The following LTBP1 variants were observed in gnomAD, a reference collection of about 807,000 sequenced individuals.
The protein encoded by LTBP1 is latent transforming growth factor beta binding protein 1, also known as latent-transforming growth factor beta-binding protein 1.
In LTBP1, 129 loss-of-function variants were observed where a neutral mutation model predicts 207.6. That is an observed-to-expected ratio of 0.62 (90% CI 0.54 to 0.72). LTBP1 has a LOEUF of 0.72. Among genes scored for constraint, LTBP1 ranks in the 30% least tolerant of loss-of-function variants. The pLI is 0.00. For missense variants in LTBP1, 2,281 were observed against 2,217.2 expected (o/e 1.03, Z -0.58); for synonymous variants, 963 against 833.7 (o/e 1.16, Z -2.67).
rs781355285 is a variant in LTBP1, at chr2:33,363,386, G to A, written c.4271-4G>A. 298 of 1,612,660 alleles carry A rather than the reference G, an allele frequency of 1.8e-4. 5 individuals carry two copies. The East Asian group carries it at 5.8e-3, about 31-fold the overall frequency. On this transcript the variant is annotated splice_polypyrimidine_tract_variant and splice_region_variant and intron_variant, in intron 28 of 33. Transcript: ENST00000404816. ...TTTGTATTTCTCAATTTTTTTCCCC[G>A]TAGATGCAGATGAATGCCTACTTTT...
At chr2:32,979,150 A>G (rs1458423925) in intron 2 of LTBP1, among the ~76,000 whole-genome samples, 1 of 149,994 alleles carries the variant, frequency 6.7e-6, no homozygotes, top group South Asian at 2.1e-4. Context: ...CCAACTTTTC[A>G]TTTCATTGAT....
At chr2:33,004,786 A>ATATATATATATAT (rs1239899581) in intron 2 of LTBP1, among the ~76,000 whole-genome samples, 1 of 101,106 alleles carries the variant, frequency 9.9e-6, no homozygotes, top group Admixed American at 1.3e-4. Flanking sequence ...AAAAAAAAGG[A>ATATATATATATAT]ATATATATAT....
chr2:33,363,321 G>A, intron 28 of LTBP1, 69 bp from the exon 29 acceptor site: 1 of 1,531,588 alleles, frequency 6.5e-7, no homozygotes, highest in South Asian at 1.2e-5. Flanking sequence ...CCCAAATCTG[G>A]TTAGACTCTT....
At chr2:33,146,695 A>AGG (rs1204334317) in intron 5 of LTBP1, among the ~76,000 whole-genome samples, 1 of 152,188 alleles carries the variant, frequency 6.6e-6, no homozygotes, top group African/African-American at 2.4e-5. Context: ...TGGAAGGCAA[A>AGG]GGGGAAGCAG....
At chr2:33,325,142 G>A (rs565457203) in intron 24 of LTBP1, among the ~76,000 whole-genome samples, 1 of 152,192 alleles carries the variant, frequency 6.6e-6, no homozygotes, top group South Asian at 2.1e-4. Context: ...CACCCACAAA[G>A]TAGTTCCAGC....
At chr2:33,038,033 A>G (rs1573234027) in intron 3 of LTBP1, among the ~76,000 whole-genome samples, 2 of 152,196 alleles carry the variant, frequency 1.3e-5, no homozygotes, top group East Asian at 3.8e-4. Flanking sequence ...ATCCTGTTTT[A>G]AGGAGGATTC....
In LTBP1 at chr2:33,005,806, C is replaced by T. The variant is rs544301954; in HGVS notation, c.566-15103C>T. ...TTCACCATGTTGGGTAGGCTGCTCT[C>T]GAACTCCCGACCTCAGGTGATCTGC... On this transcript the variant is annotated intron_variant, in intron 2 of 33. Transcript: ENST00000404816. 7.9e-5 allele frequency among the ~76,000 whole-genome samples: 12 copies of T among 152,174 alleles called. No individual in the cohort carries two copies. In the East Asian group the frequency reaches 1.2e-3, roughly 15 times the overall value.
At chr2:33,227,587 G>T (rs2091512884) in intron 9 of LTBP1, among the ~76,000 whole-genome samples, 1 of 151,976 alleles carries the variant, frequency 6.6e-6, no homozygotes, top group Non-Finnish European at 1.5e-5. Flanking sequence ...CAGTCTCCCA[G>T]ACAGTAGTAG....
chr2:33,390,743 C>T (rs1231481279), intron 32 of LTBP1, among the ~76,000 whole-genome samples: 3 of 152,014 alleles, frequency 2.0e-5, no homozygotes, highest in African/African-American at 4.8e-5. Flanking sequence ...TCATCCGCCT[C>T]GGCCTCCCAA....
chr2:33,162,060 A>G (rs2084516805), intron 5 of LTBP1, among the ~76,000 whole-genome samples: 2 of 152,228 alleles, frequency 1.3e-5, no homozygotes, highest in African/African-American at 4.8e-5. Context: ...GAATAGAGTG[A>G]CAGCCATAGA....
At chr2:33,263,490 A>G (rs1442983721) in intron 15 of LTBP1, 98 bp downstream of exon 15, 1 of 787,556 alleles carries the variant, frequency 1.3e-6, no homozygotes, top group Non-Finnish European at 2.1e-6. Flanking sequence ...TGCTCATGGC[A>G]GGGTTAGCCA....
chr2:33,280,628 G>T (rs1390112159), intron 19 of LTBP1, among the ~76,000 whole-genome samples: 5 of 152,162 alleles, frequency 3.3e-5, no homozygotes, highest in Non-Finnish European at 7.3e-5. Flanking sequence ...AGTTAGCTCT[G>T]CCCCTTAATG....
intron 5 of LTBP1, among the ~76,000 whole-genome samples, chr2:33,172,367 A>G (rs377553118): frequency 1.3e-5 from 2 of 152,174 alleles, no homozygotes; most frequent in African/African-American, 4.8e-5. Context: ...GTCTCTGATA[A>G]AACAGACTTT....
At chr2:33,231,032 A>G (rs755804625) in intron 9 of LTBP1, among the ~76,000 whole-genome samples, 3 of 152,226 alleles carry the variant, frequency 2.0e-5, no homozygotes, top group Non-Finnish European at 4.4e-5. Flanking sequence ...GTATTCCACA[A>G]ACATTAATCG....
At position 33,385,817 on chromosome 2, in the gene LTBP1, C is replaced by T. The variant is rs535029483; in HGVS notation, c.4712-3367C>T. Among the ~76,000 whole-genome samples, 11 of 152,198 alleles carry T rather than the reference C, an allele frequency of 7.2e-5. No individual in the cohort carries two copies. The South Asian group carries it at 1.0e-3, about 14-fold the overall frequency. On this transcript the variant is annotated intron_variant, in intron 31 of 33. Transcript: ENST00000404816. ...TTCAAAATACATTTCCTGGTGATGA[C>T]GGGACTTTAGCACATCTTCAGATAC...
intron 5 of LTBP1, among the ~76,000 whole-genome samples, chr2:33,146,704 A>T (rs1249986947): frequency 6.6e-6 from 1 of 152,206 alleles, no homozygotes; most frequent in Non-Finnish European, 1.5e-5. Context: ...AAGGGGAAGC[A>T]GGCACATCTT....
chr2:33,026,651 C>G (rs978207320), intron 3 of LTBP1, among the ~76,000 whole-genome samples: 12 of 152,062 alleles, frequency 7.9e-5, no homozygotes, highest in African/African-American at 2.9e-4. Flanking sequence ...AGGCATTGAA[C>G]GAAAGTTGAA....
chr2:33,215,716 G>T (rs72797893), intron 7 of LTBP1, among the ~76,000 whole-genome samples: 55,831 of 137,548 alleles, frequency 0.41, 12,283 homozygotes, highest in Non-Finnish European at 0.49. Context: ...GTTTTCTTTT[G>T]TTTTTTGTTT....
intron 9 of LTBP1, among the ~76,000 whole-genome samples, chr2:33,223,463 T>A (rs1433969787): frequency 6.6e-6 from 1 of 152,188 alleles, no homozygotes; most frequent in African/African-American, 2.4e-5. Context: ...TTGAGAAACA[T>A]CTGCTAAACT....
Sources: gnomAD v4.1 joint callset for allele counts (sites outside exome capture counted in the v4.1 genomes callset) on GRCh38, gnomAD v4.1.1 for gene constraint, MANE v1.5 for transcripts, NCBI Gene and HGNC (gene_info 2026-07-23, HGNC 2026-07-21) for gene names.